The following HIPK3 variants were observed in gnomAD, a reference collection of about 807,000 sequenced individuals.
HIPK3 encodes homeodomain interacting protein kinase 3.
In HIPK3, 47 loss-of-function variants were observed where a neutral mutation model predicts 124.2. That is an observed-to-expected ratio of 0.38 (90% CI 0.30 to 0.48). HIPK3 has a LOEUF of 0.48. Ranked by LOEUF, HIPK3 falls within the 20% of genes least tolerant of loss-of-function variation. HIPK3 has a pLI of 0.98. For missense variants in HIPK3, 1,286 were observed against 1,454.3 expected (o/e 0.88, Z 1.88); for synonymous variants, 482 against 515.2 (o/e 0.94, Z 0.87).
intron 8 of HIPK3, 38 bp from the exon 9 acceptor site, chr11:33,347,255 G>C (rs746569581): frequency 1.3e-6 from 2 of 1,567,768 alleles, no homozygotes; most frequent in Admixed American, 3.6e-5. Flanking sequence ...ATAAGAGGAA[G>C]ATTTTTTCTT....
At chr11:33,336,632 A>G (rs1278801570) in intron 3 of HIPK3, among the ~76,000 whole-genome samples, 1 of 152,222 alleles carries the variant, frequency 6.6e-6, no homozygotes, top group African/African-American at 2.4e-5. Context: ...TTTGCTGATA[A>G]AGCCCTTTAC....
Position 33,339,543 on chromosome 11 carries a change from C to T in HIPK3, c.1613+9C>T. The T allele has an allele frequency of 6.5e-7, 1 of 1,542,616 alleles. No homozygotes were observed. The highest frequency in any genetic ancestry group is 8.9e-7 in the Non-Finnish European group (1 of 1,128,936). On this transcript the variant is annotated intron_variant, in intron 6 of 16. Transcript: ENST00000303296. ...TTCCCTCATAGCAACCAGTATGTTA[C>T]TTTAAGATCTTTTAAAGTGGTTCTA...
chr11:33,331,917 A>G (rs1273138182), intron 3 of HIPK3, among the ~76,000 whole-genome samples: 1 of 152,198 alleles, frequency 6.6e-6, no homozygotes, highest in African/African-American at 2.4e-5. Flanking sequence ...CTTTAGAGAC[A>G]GAGTCTTTCT....
intron 1 of HIPK3, among the ~76,000 whole-genome samples, chr11:33,277,246 A>G (rs1851297151): frequency 1.3e-5 from 2 of 152,272 alleles, no homozygotes; most frequent in South Asian, 2.1e-4. Context: ...CCTTTACCAC[A>G]TATAAAACAT....
chr11:33,287,047 A>C lies in HIPK3; in HGVS notation c.633A>C (p.Val211=). ...TTGGTCGAGGCACGTTTGGCCAGGT[A>C]GTTAAATGCTGGAAAAGAGGGACAA... ...DFLGRGTFGQ[V]VKCWKRGTNE... is the part of the protein sequence containing the mutation. Residue 211 remains valine (V), a synonymous_variant, in exon 2 of 17, where the codon GTA becomes GTC. Coordinates refer to ENST00000303296, the MANE Select transcript of HIPK3 (RefSeq NM_005734.5). The C allele has an allele frequency of 6.2e-7, 1 of 1,614,224 alleles. No individual in the cohort carries two copies. The highest frequency in any genetic ancestry group is 2.2e-5 in the East Asian group (1 of 44,890).
chr11:33,258,818 C>T, intron 1 of HIPK3: 1 of 754,184 alleles, frequency 1.3e-6, no homozygotes, highest in African/African-American at 1.9e-5. Context: ...GGCCTTGAAC[C>T]GTGTTTTCAC....
intron 3 of HIPK3, among the ~76,000 whole-genome samples, chr11:33,330,125 C>G (rs1344846352): frequency 1.3e-5 from 2 of 152,094 alleles, no homozygotes; most frequent in Admixed American, 6.5e-5. Flanking sequence ...ATTTTAAAGA[C>G]AAAGCCTTGA....
chr11:33,302,313 A>G (rs138021527), intron 2 of HIPK3, among the ~76,000 whole-genome samples: 3 of 146,714 alleles, frequency 2.0e-5, no homozygotes, highest in South Asian at 4.3e-4. Flanking sequence ...ATTCTCTCCA[A>G]TGAACTTCTC....
intron 2 of HIPK3, among the ~76,000 whole-genome samples, chr11:33,309,244 G>A (rs1247837070): frequency 6.6e-6 from 1 of 152,118 alleles, no homozygotes; most frequent in Non-Finnish European, 1.5e-5. Flanking sequence ...GTCCATTTAT[G>A]CAAATGGAGG....
At chr11:33,282,144 G>A (rs1043378984) in intron 1 of HIPK3, among the ~76,000 whole-genome samples, 4 of 152,126 alleles carry the variant, frequency 2.6e-5, no homozygotes, top group African/African-American at 9.7e-5. Flanking sequence ...AGCACTTTGG[G>A]AGGCCAAGTC....
intron 2 of HIPK3, among the ~76,000 whole-genome samples, chr11:33,297,245 C>T (rs1851866313): frequency 6.6e-6 from 1 of 151,912 alleles, no homozygotes; most frequent in South Asian, 2.1e-4. Context: ...AGGTGCACAC[C>T]ACCACGCCTG....
At chr11:33,340,547 G>A (rs1186032019) in intron 6 of HIPK3, among the ~76,000 whole-genome samples, 1 of 152,144 alleles carries the variant, frequency 6.6e-6, no homozygotes, top group African/African-American at 2.4e-5. Context: ...TTTTTCTACA[G>A]CCCAGTTACA....
intron 2 of HIPK3, among the ~76,000 whole-genome samples, chr11:33,297,624 A>G (rs1382807479): frequency 6.6e-6 from 1 of 152,220 alleles, no homozygotes. Context: ...GGGCTGATGC[A>G]GAAGATCTAG....
chr11:33,284,278 C>T (rs749915643), intron 1 of HIPK3, among the ~76,000 whole-genome samples: 2 of 152,064 alleles, frequency 1.3e-5, no homozygotes, highest in Non-Finnish European at 2.9e-5. Context: ...ATATCCTTGG[C>T]ACTTTGCTTT....
chr11:33,293,659 C>T (rs530723530), intron 2 of HIPK3, among the ~76,000 whole-genome samples: 5 of 151,640 alleles, frequency 3.3e-5, no homozygotes, highest in Admixed American at 1.3e-4. Context: ...CCACATTTTA[C>T]GTATACATTC....
chr11:33,341,540 A>G lies in HIPK3; in HGVS notation c.1774-23A>G, dbSNP rs781407730. The G allele has an allele frequency of 3.9e-5, 63 of 1,598,898 alleles. No individual in the cohort carries two copies. In the Admixed American group the frequency reaches 8.7e-4, roughly 22 times the overall value. On this transcript the variant is annotated intron_variant, in intron 7 of 16. Transcript: ENST00000303296. ...TATATTTCATTTAGAAGACTGCTCT[A>G]TATAATGTGCTCGTTGTTTCAGGCA...
chr11:33,279,941 T>G (rs1194613209), intron 1 of HIPK3, among the ~76,000 whole-genome samples: 1 of 87,634 alleles, frequency 1.1e-5, no homozygotes, highest in African/African-American at 4.4e-5. Flanking sequence ...AGAGCCCTCG[T>G]GATCTACACC....
intron 8 of HIPK3, among the ~76,000 whole-genome samples, chr11:33,343,425 A>C (rs568207392): frequency 2.6e-5 from 4 of 151,976 alleles, no homozygotes; most frequent in African/African-American, 9.7e-5. Context: ...GGTTACAGGT[A>C]TGCACCACCA....
intron 1 of HIPK3, among the ~76,000 whole-genome samples, chr11:33,261,271 C>T (rs1032322761): frequency 1.3e-5 from 2 of 150,208 alleles, no homozygotes; most frequent in Non-Finnish European, 3.0e-5. Context: ...TATAGGTAAA[C>T]TTGTGTCATG....
Sources: allele counts gnomAD v4.1 joint callset (sites outside exome capture counted in the v4.1 genomes callset), GRCh38; gene constraint gnomAD v4.1.1; transcripts MANE v1.5; gene names NCBI Gene and HGNC (gene_info 2026-07-23, HGNC 2026-07-21).